Variants in DNAJB6 observed in about 807,000 individuals in gnomAD.
DNAJB6 encodes the protein dnaJ homolog subfamily B member 6.
DNAJB6 carries 16 observed loss-of-function variants against 42.7 expected under a neutral mutation model. The ratio of observed to expected loss-of-function variants is 0.37; its 90% confidence interval spans 0.25 to 0.57. The LOEUF is 0.57. Ranked by LOEUF, DNAJB6 falls within the 20% of genes least tolerant of loss-of-function variation. DNAJB6 has a pLI of 0.74. For missense variants in DNAJB6, 347 were observed against 416.8 expected, an observed-to-expected ratio of 0.83 and a Z score of 1.46; for synonymous variants, 170 against 163.5, an observed-to-expected ratio of 1.04 and a Z score of -0.30.
rs935454467 is a variant in DNAJB6, at chr7:157,404,775, G to A, written c.692-5020G>A. ...CCTGCCTCAGCCTCTCAAAGTGCTG[G>A]GATTATAGGCGTGAGCCACCGTGCC... On this transcript the variant is annotated intron_variant, in intron 8 of 9. Coordinates refer to ENST00000262177, the MANE Select transcript of DNAJB6 (RefSeq NM_058246.4). Among the ~76,000 whole-genome samples, 9 of 152,136 alleles carry A rather than the reference G, an allele frequency of 5.9e-5. No individual in the cohort carries two copies. In the East Asian group the frequency reaches 1.6e-3, roughly 26 times the overall value.
chr7:157,367,357 T>G lies in DNAJB6; in HGVS notation c.236-16T>G. On this transcript the variant is annotated splice_polypyrimidine_tract_variant and intron_variant, in intron 4 of 9. Coordinates refer to ENST00000262177, the MANE Select transcript of DNAJB6 (RefSeq NM_058246.4). ...ACCAAAATTCATAAACTAAAAGCTG[T>G]GTTGTATTTGTGCAGGTGGAAGTCA... is the stretch of plus-strand genomic sequence containing the variant. The G allele has an allele frequency of 1.3e-6, 2 of 1,520,226 alleles. No individual in the cohort carries two copies. Among genetic ancestry groups the G allele is most frequent in the Non-Finnish European group, 1.8e-6 (2 of 1,094,834 alleles). The allele number at this position is 1,520,226 out of a possible 1,614,324, so 94.2% of individuals were successfully genotyped here. A position where few individuals can be genotyped will look rare whatever the true frequency, so the allele number is the denominator to read the frequency against.
At position 157,366,626 on chromosome 7, in the gene DNAJB6, A is replaced by AC. The variant is rs1390652412; in HGVS notation, c.235+66dup. ...GGCAAGTAAGTTGAGTTTGTAAATC[A>AC]CGAGTCTCTTGGTCAGAGTCGATTT... is the stretch of plus-strand genomic sequence containing the variant. On this transcript the variant is annotated intron_variant, in intron 4 of 9. Coordinates refer to ENST00000262177, the MANE Select transcript of DNAJB6 (RefSeq NM_058246.4). 1.2e-5 allele frequency: 17 copies of AC among 1,471,890 alleles called. No individual in the cohort carries two copies. The African/African-American group carries it at 1.5e-4, about 13-fold the overall frequency. 91.2% of individuals were successfully genotyped at this position (1,471,890 alleles called of 1,614,324 possible). A position where few individuals can be genotyped will look rare whatever the true frequency, so the allele number is the denominator to read the frequency against.
chr7:157,403,388 A>AC (rs1026978062), intron 8 of DNAJB6, among the ~76,000 whole-genome samples: 103 of 152,352 alleles, frequency 6.8e-4, no homozygotes, highest in Middle Eastern at 3.4e-3. Context: ...GTGAAAACCC[A>AC]ACAACTGCTC....
At chr7:157,375,252 A>ATTTCT (rs1800414400) in intron 5 of DNAJB6, among the ~76,000 whole-genome samples, 1 of 152,196 alleles carries the variant, frequency 6.6e-6, no homozygotes, top group African/African-American at 2.4e-5. Flanking sequence ...GGCTCAGAAA[A>ATTTCT]GAGCCTGGAG....
At chr7:157,413,686 G>A (rs1796035124) in intron 9 of DNAJB6, 1 of 151,146 alleles carries the variant, frequency 6.6e-6, no homozygotes, top group African/African-American at 2.4e-5. Context: ...TGACAGGAAG[G>A]CCTGCTCTGT....
At chr7:157,364,103 A>AAT (rs1554457254) in intron 3 of DNAJB6, among the ~76,000 whole-genome samples, 5 of 147,112 alleles carry the variant, frequency 3.4e-5, no homozygotes, top group Admixed American at 6.8e-5. Flanking sequence ...AACAAAAAAA[A>AAT]TTTTTTTTTT....
rs760657136 is a variant in DNAJB6 at position 157,358,637 on chromosome 7, C to T, written c.65C>T (p.Ala22Val). The T allele has an allele frequency of 5.0e-6, 8 of 1,609,616 alleles. No individual in the cohort carries two copies. The highest frequency in any genetic ancestry group is 2.2e-5 in the South Asian group (2 of 90,984). ...GCCTCACCCGAGGATATTAAAAAGG[C>T]GTAAGTAGTTTTATTTCTGTGGTAA... Reference protein sequence around the residue: ...RHASPEDIKKAYRKLALKWHP... With the variant: ...RHASPEDIKKVYRKLALKWHP... Residue 22 changes from alanine (A) to valine (V), a missense_variant and splice_region_variant, in exon 2 of 10, where the codon GCA (alanine) becomes GTA (valine). Around this residue, in one of 3 missense-constraint regions of DNAJB6, gnomAD observed 78 missense variants for 102.1 expected, o/e 0.76. Transcript: ENST00000262177.
intron 8 of DNAJB6, among the ~76,000 whole-genome samples, chr7:157,393,531 C>T (rs1166918870): frequency 6.6e-6 from 1 of 152,112 alleles, no homozygotes; most frequent in Non-Finnish European, 1.5e-5. Flanking sequence ...GTTTTAGATT[C>T]TGTAGAGAGG....
At chr7:157,415,772 G>A (rs971495430) in intron 9 of DNAJB6, among the ~76,000 whole-genome samples, 5 of 152,200 alleles carry the variant, frequency 3.3e-5, no homozygotes, top group African/African-American at 9.6e-5. Flanking sequence ...GCCGCTGGGC[G>A]GAACTCGGGT....
At chr7:157,402,521 A>G (rs2109825) in intron 8 of DNAJB6, among the ~76,000 whole-genome samples, 33,248 of 152,112 alleles carry the variant, frequency 0.22, 5,059 homozygotes, top group African/African-American at 0.43. Flanking sequence ...CCGTCATGCT[A>G]TGCATGGTGT....
At chr7:157,411,150 G>C (rs1795956156) in intron 9 of DNAJB6, 1 of 152,162 alleles carries the variant, frequency 6.6e-6, no homozygotes, top group Non-Finnish European at 1.5e-5. Flanking sequence ...AACTCCCCCT[G>C]CACTAAGCGG....
chr7:157,369,647 A>G (rs1434883341), intron 5 of DNAJB6, among the ~76,000 whole-genome samples: 3 of 150,314 alleles, frequency 2.0e-5, no homozygotes, highest in Non-Finnish European at 2.9e-5. Flanking sequence ...CTTTCTTCAC[A>G]TTATTATTAA....
intron 8 of DNAJB6, among the ~76,000 whole-genome samples, chr7:157,398,823 T>G: frequency 6.6e-6 from 1 of 152,326 alleles, no homozygotes; most frequent in Non-Finnish European, 1.5e-5. Context: ...AAACAGTAAA[T>G]TATCTATGGG....
intron 8 of DNAJB6, among the ~76,000 whole-genome samples, chr7:157,388,685 G>A (rs940696182): frequency 1.4e-5 from 2 of 143,702 alleles, no homozygotes; most frequent in Admixed American, 6.7e-5. Context: ...ATTATATAGT[G>A]AATTCTGAGA....
chr7:157,411,037 CG>C (rs1177217835), intron 9 of DNAJB6: 1 of 152,152 alleles, frequency 6.6e-6, no homozygotes, highest in Non-Finnish European at 1.5e-5. Context: ...CCCCTCCAGC[CG>C]GCCGCCCACC....
chr7:157,382,375 C>G lies in DNAJB6; in HGVS notation c.476C>G (p.Thr159Arg). 6.7e-7 allele frequency: 1 copy of G among 1,483,436 alleles called. No homozygotes were observed. Among genetic ancestry groups the G allele is most frequent in the Non-Finnish European group, 9.1e-7 (1 of 1,100,406 alleles). 91.9% of individuals were successfully genotyped at this position (1,483,436 alleles called of 1,614,324 possible). Residue 159 changes from threonine to arginine, a missense_variant and splice_region_variant, in exon 6 of 10, where the codon ACA becomes AGA. Coordinates refer to ENST00000262177, the MANE Select transcript of DNAJB6 (RefSeq NM_058246.4). ...GGAAGTGGATTTTCTTCTTTTGATA[C>G]AGGTATTAAATCCCTAGGTTTAATC... ...SFGSGFSSFDTGFTSFGSLGH... is the reference protein window; with the variant it reads ...SFGSGFSSFDRGFTSFGSLGH...
At chr7:157,384,605 G>A (rs4716711) in intron 6 of DNAJB6, among the ~76,000 whole-genome samples, 3 of 152,096 alleles carry the variant, frequency 2.0e-5, no homozygotes, top group Non-Finnish European at 2.9e-5. Flanking sequence ...CTTGGGTCCC[G>A]CGAAGCTCTG....
At position 157,347,028 on chromosome 7, in the gene DNAJB6, T is replaced by C. The variant is rs992380798; in HGVS notation, c.-27+9884T>C. Among the ~76,000 whole-genome samples, 5 of 152,250 alleles carry C rather than the reference T, an allele frequency of 3.3e-5. No homozygotes were observed. The South Asian group carries it at 6.2e-4, about 19-fold the overall frequency. On this transcript the variant is annotated intron_variant, in intron 1 of 9. Transcript: ENST00000262177. ...CCGCCACCACGCCCGGCTAATTTTT[T>C]CTATTTTTAGTAGAGACGGGGTTTC...
At chr7:157,337,369 G>GCCGCCCGGCCGCGTCCTCC (rs1798094646) in intron 1 of DNAJB6, among the ~76,000 whole-genome samples, 2 of 151,474 alleles carry the variant, frequency 1.3e-5, no homozygotes, top group Non-Finnish European at 1.5e-5. Context: ...GGGGTCTGGG[G>GCCGCCCGGCCGCGTCCTCC]CCGCCCGGCC....
Sources: allele counts gnomAD v4.1 joint callset (sites outside exome capture counted in the v4.1 genomes callset), GRCh38; gene constraint gnomAD v4.1.1; regional missense constraint gnomAD v4.1.1; transcripts MANE v1.5; gene names NCBI Gene and HGNC (gene_info 2026-07-23, HGNC 2026-07-21).